CSMD1: variants seen among roughly 807,000 people sequenced by gnomAD.
The protein encoded by CSMD1 is CUB and sushi domain-containing protein 1.
A neutral mutation model predicts 417.5 loss-of-function variants in CSMD1; 213 were observed. That is an observed-to-expected ratio of 0.51 (90% CI 0.46 to 0.57). The LOEUF is 0.57. CSMD1 is among the 20% of genes least tolerant of loss of function. CSMD1 has a pLI of 0.00. For synonymous variants in CSMD1, 2,862 were observed against 1,736.8 expected, an observed-to-expected ratio of 1.65 and a Z score of -16.11; for missense variants, 6,923 against 4,529.7, an observed-to-expected ratio of 1.53 and a Z score of -15.17.
intron 23 of CSMD1, among the ~76,000 whole-genome samples, chr8:3,336,213 G>A (rs1807253346): frequency 6.6e-6 from 1 of 152,064 alleles, no homozygotes. Flanking sequence ...TCATAGCAAG[G>A]CCTTCGTGTG....
intron 5 of CSMD1, among the ~76,000 whole-genome samples, chr8:3,944,605 G>T (rs1196627646): frequency 6.6e-6 from 1 of 152,108 alleles, no homozygotes; most frequent in Non-Finnish European, 1.5e-5. Context: ...TCCCAGATAT[G>T]CCAACATATT....
chr8:4,006,222 T>A (rs1030660810), intron 4 of CSMD1, among the ~76,000 whole-genome samples: 1 of 152,132 alleles, frequency 6.6e-6, no homozygotes, highest in Admixed American at 6.5e-5. Flanking sequence ...GACAGAAATA[T>A]ATTGACTTTG....
rs1220477612 is a variant in CSMD1, at chr8:3,238,605, G to A, written c.4154-8374C>T. 3.3e-5 allele frequency among the ~76,000 whole-genome samples: 5 copies of A among 152,036 alleles called. No homozygotes were observed. The East Asian group carries it at 9.7e-4, about 29-fold the overall frequency. On this transcript the variant is annotated intron_variant, in intron 26 of 69. Transcript: ENST00000635120. Reference sequence around the variant, plus strand: ...AGATTTTGTGGTAAGGGGTGATATTGTGGGGTTGTTAGAAGAAACATTTGT... The same window carrying A: ...AGATTTTGTGGTAAGGGGTGATATTATGGGGTTGTTAGAAGAAACATTTGT...
At chr8:3,951,014 T>G (rs914097429) in intron 5 of CSMD1, among the ~76,000 whole-genome samples, 5 of 152,236 alleles carry the variant, frequency 3.3e-5, no homozygotes, top group African/African-American at 1.2e-4. Context: ...GCCCCGTTTC[T>G]GATCTACAAA....
intron 10 of CSMD1, among the ~76,000 whole-genome samples, chr8:3,548,215 C>T (rs543964432): frequency 1.3e-5 from 2 of 152,302 alleles, no homozygotes; most frequent in East Asian, 1.9e-4. Flanking sequence ...GCCACAAGGG[C>T]TGATGGAGCC....
At chr8:2,951,624 G>C (rs970753191) in intron 65 of CSMD1, among the ~76,000 whole-genome samples, 1 of 152,038 alleles carries the variant, frequency 6.6e-6, no homozygotes, top group Non-Finnish European at 1.5e-5. Context: ...CAAGAAATAT[G>C]TTTACCTGAC....
chr8:4,841,911 C>CAAA lies in CSMD1; in HGVS notation c.85+152418_85+152420dup, dbSNP rs397757527. Among the ~76,000 whole-genome samples the CAAA allele has an allele frequency of 6.0e-4, 21 of 34,836 alleles. 4 individuals carry two copies. Among genetic ancestry groups the CAAA allele is most frequent in the African/African-American group, 8.7e-4 (5 of 5,730 alleles). The allele number at this position is 34,836 out of a possible 152,430, so 22.9% of individuals were successfully genotyped here. A position where few individuals can be genotyped will look rare whatever the true frequency, so the allele number is the denominator to read the frequency against. ...GGGCAACAAGAGCAAAACTCCGTCTCAAAAAAAAAAAAAAAAAAAAAAAAA... is the reference window on the plus strand; with the variant it reads ...GGGCAACAAGAGCAAAACTCCGTCTCAAAAAAAAAAAAAAAAAAAAAAAAAAAA... On this transcript the variant is annotated intron_variant, in intron 1 of 69. Coordinates refer to ENST00000635120, the MANE Select transcript of CSMD1 (RefSeq NM_033225.6).
intron 3 of CSMD1, among the ~76,000 whole-genome samples, chr8:4,068,516 T>C (rs1217955908): frequency 1.3e-5 from 2 of 152,192 alleles, no homozygotes; most frequent in Non-Finnish European, 2.9e-5. Context: ...GGTTTAGTTT[T>C]TACGACACAA....
At chr8:3,847,027 A>T (rs1389309514) in intron 5 of CSMD1, among the ~76,000 whole-genome samples, 1 of 152,072 alleles carries the variant, frequency 6.6e-6, no homozygotes, top group African/African-American at 2.4e-5. Flanking sequence ...AGATCAGATG[A>T]TGCCTCTTAG....
chr8:4,455,085 A>AT (rs1316131459), intron 2 of CSMD1, among the ~76,000 whole-genome samples: 1 of 152,130 alleles, frequency 6.6e-6, no homozygotes, highest in Non-Finnish European at 1.5e-5. Context: ...CTATACAGGA[A>AT]TTTTTTCTTA....
At chr8:4,077,263 A>G (rs1427062706) in intron 3 of CSMD1, among the ~76,000 whole-genome samples, 1 of 142,778 alleles carries the variant, frequency 7.0e-6, no homozygotes, top group African/African-American at 2.6e-5. Flanking sequence ...TCCCACTGTA[A>G]AAGCCCATTT....
chr8:3,458,842 C>T (rs184231206), intron 12 of CSMD1, among the ~76,000 whole-genome samples: 4 of 152,282 alleles, frequency 2.6e-5, no homozygotes, highest in African/African-American at 9.6e-5. Flanking sequence ...GGCTCTTTCT[C>T]AAGGACTCGA....
intron 1 of CSMD1, among the ~76,000 whole-genome samples, chr8:4,728,075 T>A (rs946358251): frequency 6.8e-6 from 1 of 146,976 alleles, no homozygotes; most frequent in Non-Finnish European, 1.5e-5. Context: ...AGAATGTATA[T>A]GTTTGTAGGT....
chr8:4,728,010 A>T (rs1045836908), intron 1 of CSMD1, among the ~76,000 whole-genome samples: 3 of 145,960 alleles, frequency 2.1e-5, no homozygotes, highest in Non-Finnish European at 3.0e-5. Context: ...TTATATACAA[A>T]ATATATATAT....
Position 3,982,135 on chromosome 8 carries a change from G to A in CSMD1, c.818+15768C>T, listed in dbSNP as rs148707800. ...ATTGCACAACTGCACTCCAGCCTGG[G>A]TGACACAGCGAGGCTCTATCTCAAA... On this transcript the variant is annotated intron_variant, in intron 5 of 69. Coordinates refer to ENST00000635120, the MANE Select transcript of CSMD1 (RefSeq NM_033225.6). 2.5e-3 allele frequency among the ~76,000 whole-genome samples: 371 copies of A among 149,678 alleles called. 13 individuals are homozygous for A. The East Asian group carries it at 0.061, about 24-fold the overall frequency.
chr8:3,488,825 TG>T (rs1206558843), intron 11 of CSMD1, among the ~76,000 whole-genome samples: 1 of 152,194 alleles, frequency 6.6e-6, no homozygotes, highest in African/African-American at 2.4e-5. Flanking sequence ...TGCCATTATG[TG>T]AAAGATAATA....
intron 5 of CSMD1, among the ~76,000 whole-genome samples, chr8:3,872,686 C>T (rs1805555777): frequency 6.6e-6 from 1 of 152,062 alleles, no homozygotes. Flanking sequence ...TCATGAAGAG[C>T]CTCGTGCTAC....
chr8:3,850,224 C>A (rs17067731), intron 5 of CSMD1, among the ~76,000 whole-genome samples: 1,992 of 152,302 alleles, frequency 0.013, 65 homozygotes, highest in African/African-American at 0.045. Context: ...TCAAAGGCTC[C>A]AAACAAAAGA....
chr8:3,459,319 G>T (rs1011535210), intron 12 of CSMD1, among the ~76,000 whole-genome samples: 1 of 152,160 alleles, frequency 6.6e-6, no homozygotes, highest in Non-Finnish European at 1.5e-5. Flanking sequence ...CACCCTGCTG[G>T]CTGACGTGGG....
Sources: gnomAD v4.1 joint callset for allele counts (sites outside exome capture counted in the v4.1 genomes callset) on GRCh38, gnomAD v4.1.1 for gene constraint, MANE v1.5 for transcripts, NCBI Gene and HGNC (gene_info 2026-07-23, HGNC 2026-07-21) for gene names.